SLC44A1: variants seen among roughly 807,000 people sequenced by gnomAD.
SLC44A1 encodes choline transporter-like protein 1.
SLC44A1 carries 26 observed loss-of-function variants against 79.3 expected under a neutral mutation model. The ratio of observed to expected loss-of-function variants is 0.33; its 90% CI spans 0.24 to 0.46. The LOEUF (loss-of-function observed/expected upper bound fraction) is 0.46, where lower values mean the gene tolerates loss of function less well. Ranked by LOEUF, SLC44A1 falls within the 20% of genes least tolerant of loss-of-function variation. The pLI, the probability that SLC44A1 is intolerant of heterozygous loss-of-function variation, is 1.00. For synonymous variants in SLC44A1, 263 were observed against 286.2 expected (o/e 0.92, Z 0.82); for missense variants, 688 against 798.1 (o/e 0.86, Z 1.66).
At chr9:105,323,795 G>A (rs572350730) in intron 3 of SLC44A1, among the ~76,000 whole-genome samples, 21 of 152,232 alleles carry the variant, frequency 1.4e-4, no homozygotes, top group African/African-American at 4.3e-4. Context: ...TCAGGGTTCC[G>A]TTTTTCATAG....
chr9:105,336,019 C>A (rs1050431788), intron 4 of SLC44A1, among the ~76,000 whole-genome samples: 24 of 152,044 alleles, frequency 1.6e-4, no homozygotes, highest in African/African-American at 5.6e-4. Flanking sequence ...AAATTTATTT[C>A]TTGTTCCCCC....
intron 1 of SLC44A1, among the ~76,000 whole-genome samples, chr9:105,275,730 A>G (rs1182769002): frequency 6.6e-6 from 1 of 152,136 alleles, no homozygotes; most frequent in Non-Finnish European, 1.5e-5. Context: ...TCATATCAGC[A>G]GTGCTACTGC....
rs1828779362 is a variant in SLC44A1, at chr9:105,392,352, A to G, written c.*3296A>G. 1.0e-6 allele frequency: 1 copy of G among 976,980 alleles called. No individual in the cohort carries two copies. The highest frequency in any genetic ancestry group is 1.8e-5 in the African/African-American group (1 of 55,474). The allele number at this position is 976,980 out of a possible 1,614,324, so 60.5% of individuals were successfully genotyped here. On this transcript the variant is annotated 3_prime_UTR_variant, in exon 16 of 16. Transcript: ENST00000374720. ...GAGGCACTTACTGAGTTTATTTTAAAGTTATGCTAGAAATGTTTTTCTTTT... is the reference window on the plus strand; with the variant it reads ...GAGGCACTTACTGAGTTTATTTTAAGGTTATGCTAGAAATGTTTTTCTTTT...
rs142409005 is a variant in SLC44A1, at chr9:105,350,559, T to G, written c.500+2108T>G. On this transcript the variant is annotated intron_variant, in intron 5 of 15. Coordinates refer to ENST00000374720, the MANE Select transcript of SLC44A1 (RefSeq NM_080546.5). ...AGTACCCCTCAGCATCCTTCACATCTCTTTTGGTGTCCTTCTAGGAGCATA... is the reference window on the plus strand; with the variant it reads ...AGTACCCCTCAGCATCCTTCACATCGCTTTTGGTGTCCTTCTAGGAGCATA... Among the ~76,000 whole-genome samples the G allele has an allele frequency of 2.5e-3, 379 of 152,166 alleles. 1 individual carries two copies. The highest frequency in any genetic ancestry group is 4.7e-3 in the Non-Finnish European group (319 of 67,996).
chr9:105,297,723 G>GT (rs1182778174), intron 1 of SLC44A1, among the ~76,000 whole-genome samples: 1 of 152,100 alleles, frequency 6.6e-6, no homozygotes, highest in South Asian at 2.1e-4. Context: ...TTTTCATCAG[G>GT]TTATCAAAGG....
rs888508177 is a variant in SLC44A1, at chr9:105,311,770, C to T, written c.269+1904C>T. Among the ~76,000 whole-genome samples the T allele has an allele frequency of 4.6e-5, 7 of 152,240 alleles. No homozygotes were observed. The South Asian group carries it at 1.2e-3, about 27-fold the overall frequency. ...ACTGTATGACCTTTTTAGTGCTAAC[C>T]TACTTAAGTATTTCTGTCTATAAGT... is the stretch of plus-strand genomic sequence containing the variant. On this transcript the variant is annotated intron_variant, in intron 3 of 15. Transcript: ENST00000374720.
chr9:105,295,551 C>T (rs1001843995), intron 1 of SLC44A1, among the ~76,000 whole-genome samples: 3 of 152,226 alleles, frequency 2.0e-5, no homozygotes, highest in Non-Finnish European at 4.4e-5. Context: ...TTCAACTCTT[C>T]GGTTTTCTGA....
intron 12 of SLC44A1, 112 bp downstream of exon 12, chr9:105,366,541 C>T (rs1445060154): frequency 8.4e-6 from 4 of 473,690 alleles, no homozygotes; most frequent in Admixed American, 4.2e-5. Context: ...TGGTATTGTA[C>T]ATTGTGCCTT....
At chr9:105,408,858 G>A (rs895894715) in intron 15 of SLC44A1, among the ~76,000 whole-genome samples, 1 of 152,160 alleles carries the variant, frequency 6.6e-6, no homozygotes, top group Non-Finnish European at 1.5e-5. Context: ...TAGGAACACA[G>A]TGTTTGTACA....
intron 14 of SLC44A1, 58 bp from the exon 15 acceptor site, chr9:105,385,364 T>C: frequency 2.5e-6 from 3 of 1,198,742 alleles, no homozygotes; most frequent in Non-Finnish European, 3.6e-6. Flanking sequence ...TTAGAATTCA[T>C]CTACTAACAA....
chr9:105,305,362 C>T (rs1490078175), intron 2 of SLC44A1, among the ~76,000 whole-genome samples: 1 of 151,862 alleles, frequency 6.6e-6, no homozygotes, highest in African/African-American at 2.4e-5. Flanking sequence ...CAGATTGATA[C>T]AAGTTTATAA....
chr9:105,355,933 G>A, intron 5 of SLC44A1: 3 of 255,080 alleles, frequency 1.2e-5, no homozygotes, highest in Admixed American at 5.6e-5. Context: ...GTGTGTGTAT[G>A]TGTGTGTGTG....
At chr9:105,319,511 C>T (rs1431913106) in intron 3 of SLC44A1, among the ~76,000 whole-genome samples, 2 of 152,132 alleles carry the variant, frequency 1.3e-5, no homozygotes, top group East Asian at 3.9e-4. Context: ...CATTATATGG[C>T]TGACTCAGGC....
chr9:105,298,613 G>A (rs1315991295), intron 1 of SLC44A1, among the ~76,000 whole-genome samples: 1 of 152,174 alleles, frequency 6.6e-6, no homozygotes, highest in African/African-American at 2.4e-5. Flanking sequence ...GCCTCCCAAA[G>A]TGCTGGGATT....
chr9:105,386,969 G>T (rs1237530209), intron 15 of SLC44A1, among the ~76,000 whole-genome samples: 3 of 143,650 alleles, frequency 2.1e-5, no homozygotes, highest in African/African-American at 7.7e-5. Context: ...AACCTGGGAG[G>T]CAGAGGTTGC....
intron 1 of SLC44A1, among the ~76,000 whole-genome samples, chr9:105,261,763 TTC>T (rs1200579434): frequency 6.7e-6 from 1 of 148,576 alleles, no homozygotes; most frequent in African/African-American, 2.6e-5. Context: ...GAATCTGTGT[TTC>T]TCTCTCTCTC....
At chr9:105,271,455 C>T (rs369078490) in intron 1 of SLC44A1, among the ~76,000 whole-genome samples, 174 of 152,192 alleles carry the variant, frequency 1.1e-3, no homozygotes, top group East Asian at 3.9e-3. Context: ...ATAATGACTT[C>T]GTTGGAATAT....
intron 9 of SLC44A1, 72 bp from the exon 10 acceptor site, chr9:105,364,483 T>C (rs1227007332): frequency 7.2e-7 from 1 of 1,388,270 alleles, no homozygotes; most frequent in African/African-American, 1.4e-5. Flanking sequence ...ACCTATTGCC[T>C]TCTACTTAAC....
chr9:105,363,000 C>T lies in SLC44A1; in HGVS notation c.1080C>T (p.Gly360=). 1 of 1,603,110 alleles carries T rather than the reference C, an allele frequency of 6.2e-7. No homozygotes were observed. The highest frequency in any genetic ancestry group is 8.5e-7 in the Non-Finnish European group (1 of 1,175,234). ...GGATCATGACACTTCTTTTTCTTGG[C>T]ACTACCGGTAAGAAGATAAGCTTCT... is the stretch of plus-strand genomic sequence containing the variant. The part of the protein sequence containing the change: ...VYWIMTLLFL[G]TTGSPVQNEQ... The change falls in exon 9 of 16, where the codon GGC becomes GGT. Residue 360 remains glycine, a synonymous_variant. Coordinates refer to ENST00000374720, the MANE Select transcript of SLC44A1 (RefSeq NM_080546.5).
Sources: gnomAD v4.1 joint callset for allele counts (sites outside exome capture counted in the v4.1 genomes callset) on GRCh38, gnomAD v4.1.1 for gene constraint, MANE v1.5 for transcripts, NCBI Gene and HGNC (gene_info 2026-07-23, HGNC 2026-07-21) for gene names.